GLIS3: variants seen among roughly 807,000 people sequenced by gnomAD.
GLIS3 encodes zinc finger protein GLIS3.
Under a neutral mutation model 78.6 loss-of-function variants are expected in GLIS3, and 53 were observed. That is an observed-to-expected ratio of 0.67 (90% CI 0.54 to 0.85). GLIS3 has a LOEUF of 0.85. GLIS3 is among the 40% of genes least tolerant of loss of function. The pLI, the probability that GLIS3 is intolerant of heterozygous loss-of-function variation, is 0.00. For missense variants in GLIS3, 1,703 were observed against 1,231.1 expected (o/e 1.38, Z -5.74); for synonymous variants, 684 against 509.9 (o/e 1.34, Z -4.60).
Position 3,898,741 on chromosome 9 carries a change from G to C in GLIS3, c.2078C>G (p.Ala693Gly), listed in dbSNP as rs1456276603. The change falls in exon 7 of 11, where the codon GCT (alanine) becomes GGT (glycine). Residue 693 changes from alanine (A) to glycine (G), a missense_variant. Coordinates refer to ENST00000381971, the MANE Select transcript of GLIS3 (RefSeq NM_001042413.2). Reference protein sequence around the residue: ...QPATSPRDAAAEGTVGRSPGP... With the variant: ...QPATSPRDAAGEGTVGRSPGP... ...AGGGGAGCGTCCCACGGTCCCTTCA[G>C]CAGCAGCATCTCTAGGGGAAGTGGC... The C allele has an allele frequency of 1.9e-6, 3 of 1,614,058 alleles. No individual in the cohort carries two copies. Among genetic ancestry groups the C allele is most frequent in the African/African-American group, 2.7e-5 (2 of 74,916 alleles).
At chr9:4,177,996 T>C (rs1379664806) in intron 2 of GLIS3, among the ~76,000 whole-genome samples, 2 of 152,332 alleles carry the variant, frequency 1.3e-5, no homozygotes, top group South Asian at 2.1e-4. Context: ...TCAAAGCACA[T>C]TGATTATCAC....
chr9:3,995,710 A>G (rs375284579), intron 4 of GLIS3, among the ~76,000 whole-genome samples: 60 of 152,314 alleles, frequency 3.9e-4, no homozygotes, highest in Middle Eastern at 6.8e-3. Context: ...ACAGCTAAAG[A>G]GAGACTTAGC....
At chr9:3,856,556 T>C (rs1343960588) in intron 8 of GLIS3, among the ~76,000 whole-genome samples, 1 of 152,250 alleles carries the variant, frequency 6.6e-6, no homozygotes, top group African/African-American at 2.4e-5. Context: ...TAAGGGGAAA[T>C]TTGATCCGTA....
chr9:4,232,157 T>C (rs1017931645), intron 2 of GLIS3, among the ~76,000 whole-genome samples: 4 of 152,076 alleles, frequency 2.6e-5, no homozygotes, highest in Non-Finnish European at 5.9e-5. Context: ...GTGGGAGGAC[T>C]GCTTGAGGCC....
At chr9:4,159,033 G>GAAAAAAAAAAAAAAAAAAAAAA (rs1315271767) in intron 2 of GLIS3, among the ~76,000 whole-genome samples, 2 of 87,674 alleles carry the variant, frequency 2.3e-5, no homozygotes, top group African/African-American at 8.1e-5. Flanking sequence ...AGGAGAAGAA[G>GAAAAAAAAAAAAAAAAAAAAAA]AAAAAAAAAA....
intron 2 of GLIS3, among the ~76,000 whole-genome samples, chr9:4,280,519 G>C (rs1458220961): frequency 2.0e-5 from 3 of 152,090 alleles, no homozygotes; most frequent in Non-Finnish European, 4.4e-5. Flanking sequence ...GCAAAAAAAA[G>C]TTAAATGCAG....
chr9:4,241,424 T>C (rs1324484787), intron 2 of GLIS3, among the ~76,000 whole-genome samples: 1 of 152,138 alleles, frequency 6.6e-6, no homozygotes, highest in Non-Finnish European at 1.5e-5. Context: ...TTTAGAATAA[T>C]TTATTGTATT....
intron 4 of GLIS3, among the ~76,000 whole-genome samples, chr9:4,063,758 T>TGAGA (rs1826848530): frequency 6.6e-6 from 1 of 152,132 alleles, no homozygotes; most frequent in Admixed American, 6.6e-5. Flanking sequence ...TTAAGGCAGA[T>TGAGA]GAGAGTTCAG....
the GLIS3 span, among the ~76,000 whole-genome samples, chr9:4,387,981 C>A: frequency 6.6e-6 from 1 of 152,154 alleles, no homozygotes; most frequent in South Asian, 2.1e-4. Context: ...AGAGTGAAGG[C>A]CTTCTGGCAA....
chr9:4,126,017 A>G, intron 2 of GLIS3, 76 bp from the exon 3 acceptor site: 1 of 1,112,134 alleles, frequency 9.0e-7, no homozygotes. Context: ...GTGCACGCTT[A>G]TATCAGGACC....
At chr9:4,433,683 G>C in the GLIS3 span, among the ~76,000 whole-genome samples, 1 of 152,344 alleles carries the variant, frequency 6.6e-6, no homozygotes, top group East Asian at 1.9e-4. Flanking sequence ...TTATCTCTAA[G>C]TGATGCAAAC....
At chr9:4,397,400 A>G in the GLIS3 span, among the ~76,000 whole-genome samples, 1 of 151,688 alleles carries the variant, frequency 6.6e-6, no homozygotes, top group Admixed American at 6.6e-5. Context: ...GATATTTTCC[A>G]ACACATTATT....
upstream of GLIS3, among the ~76,000 whole-genome samples, chr9:4,303,344 C>T (rs1242343807): frequency 6.6e-6 from 1 of 151,860 alleles, no homozygotes; most frequent in African/African-American, 2.4e-5. Context: ...TTAGTGTTTG[C>T]CAACTTTAAG....
chr9:4,453,568 A>G, the GLIS3 span, among the ~76,000 whole-genome samples: 3 of 152,222 alleles, frequency 2.0e-5, no homozygotes, highest in African/African-American at 7.2e-5. Context: ...CAACAGACAC[A>G]TGAAAAAACG....
intron 4 of GLIS3, among the ~76,000 whole-genome samples, chr9:3,979,008 C>G (rs1819023935): frequency 6.6e-6 from 1 of 152,010 alleles, no homozygotes; most frequent in South Asian, 2.1e-4. Flanking sequence ...GTATGCAAAT[C>G]CTATACCATT....
chr9:4,359,643 G>C, the GLIS3 span, among the ~76,000 whole-genome samples: 2 of 152,102 alleles, frequency 1.3e-5, no homozygotes, highest in African/African-American at 4.8e-5. Context: ...CCAAGACCTG[G>C]ATTTTAATTT....
chr9:4,217,947 A>G (rs779605886), intron 2 of GLIS3, among the ~76,000 whole-genome samples: 9 of 152,254 alleles, frequency 5.9e-5, no homozygotes, highest in Admixed American at 3.3e-4. Context: ...CTTATTTAGC[A>G]TCTGCTGTGA....
In GLIS3 at chr9:4,299,622, G is replaced by C. The variant is rs1378603683; in HGVS notation, c.-300C>G. On this transcript the variant is annotated 5_prime_UTR_variant, in exon 1 of 11. Coordinates refer to ENST00000381971, the MANE Select transcript of GLIS3 (RefSeq NM_001042413.2). ...GACGGAGCGCGGAAACCCGGCCCAA[G>C]TGCCGTGTGTGCGCGCGCGTCTGCG... The C allele has an allele frequency of 6.6e-6, 1 of 152,656 alleles. No homozygotes were observed. The highest frequency in any genetic ancestry group is 2.4e-5 in the African/African-American group (1 of 41,472). 9.5% of individuals were successfully genotyped at this position (152,656 alleles called of 1,614,324 possible).
chr9:4,279,378 T>C (rs1043037132), intron 2 of GLIS3, among the ~76,000 whole-genome samples: 1 of 144,172 alleles, frequency 6.9e-6, no homozygotes, highest in Admixed American at 7.0e-5. Flanking sequence ...ACATATTATA[T>C]ATATTTTATA....
Sources: gnomAD v4.1 joint callset for allele counts (sites outside exome capture counted in the v4.1 genomes callset) on GRCh38, gnomAD v4.1.1 for gene constraint, MANE v1.5 for transcripts, NCBI Gene and HGNC (gene_info 2026-07-23, HGNC 2026-07-21) for gene names.